Variants in TTC27 observed in about 807,000 individuals in gnomAD.
TTC27 encodes tetratricopeptide repeat domain 27.
In TTC27, 79 loss-of-function variants were observed where a neutral mutation model predicts 115.9. The ratio of observed to expected loss-of-function variants is 0.68; its 90% CI spans 0.57 to 0.82. The LOEUF is 0.82. Among genes scored for constraint, TTC27 ranks in the 40% least tolerant of loss-of-function variants. The pLI is 0.00. For synonymous variants in TTC27, 401 were observed against 356.0 expected, an observed-to-expected ratio of 1.13 and a Z score of -1.42; for missense variants, 1,054 against 993.1, an observed-to-expected ratio of 1.06 and a Z score of -0.82.
chr2:32,695,648 G>A (rs1036953712), intron 9 of TTC27, among the ~76,000 whole-genome samples: 1 of 150,402 alleles, frequency 6.6e-6, no homozygotes, highest in Non-Finnish European at 1.5e-5. Flanking sequence ...AAACCCTGGA[G>A]GCGGAGGTTG....
chr2:32,781,802 G>A (rs1670187113), intron 14 of TTC27, among the ~76,000 whole-genome samples: 1 of 152,236 alleles, frequency 6.6e-6, no homozygotes, highest in South Asian at 2.1e-4. Context: ...AATGCCATGG[G>A]CAATCAATAA....
intron 2 of TTC27, among the ~76,000 whole-genome samples, chr2:32,633,577 A>AT (rs1040404614): frequency 6.6e-6 from 1 of 151,730 alleles, no homozygotes; most frequent in African/African-American, 2.4e-5. Flanking sequence ...CTAACTTTTA[A>AT]TTTTTTTGTA....
intron 12 of TTC27, among the ~76,000 whole-genome samples, chr2:32,740,505 A>G (rs1290633041): frequency 6.6e-6 from 1 of 150,952 alleles, no homozygotes; most frequent in Non-Finnish European, 1.5e-5. Flanking sequence ...AGATTTTCCC[A>G]GAAGTTCTTT....
At chr2:32,794,165 A>G (rs905271017) in intron 16 of TTC27, among the ~76,000 whole-genome samples, 4 of 152,240 alleles carry the variant, frequency 2.6e-5, no homozygotes, top group African/African-American at 9.6e-5. Flanking sequence ...TCCCAAGTGC[A>G]CATGGGACAT....
At chr2:32,633,430 A>G (rs1329744780) in intron 2 of TTC27, among the ~76,000 whole-genome samples, 3 of 151,938 alleles carry the variant, frequency 2.0e-5, no homozygotes, top group Non-Finnish European at 4.4e-5. Flanking sequence ...TTTTTTTAAG[A>G]GAGACAGGGT....
intron 7 of TTC27, among the ~76,000 whole-genome samples, chr2:32,670,204 A>T (rs906096874): frequency 6.6e-6 from 1 of 152,066 alleles, no homozygotes; most frequent in African/African-American, 2.4e-5. Context: ...TGGCTCCTAA[A>T]GTCCTCTTTT....
chr2:32,652,423 C>T (rs1665158949), intron 5 of TTC27, among the ~76,000 whole-genome samples: 1 of 151,792 alleles, frequency 6.6e-6, no homozygotes, highest in Non-Finnish European at 1.5e-5. Flanking sequence ...AAGGTAGGAA[C>T]CATATGGTAT....
At position 32,678,842 on chromosome 2, in the gene TTC27, T is replaced by G. The variant is rs775850260; in HGVS notation, c.1053-14T>G. On this transcript the variant is annotated splice_polypyrimidine_tract_variant and intron_variant, in intron 8 of 19. Transcript: ENST00000317907. ...CATCTTATAATTAATTTACCTTTTT[T>G]TCTTAATTTAAAGCACTAATTTTCA... 6.3e-7 allele frequency: 1 copy of G among 1,591,494 alleles called. No individual in the cohort carries two copies. The highest frequency in any genetic ancestry group is 2.2e-5 in the East Asian group (1 of 44,714).
intron 5 of TTC27, 120 bp downstream of exon 5, chr2:32,650,353 CTTTTTTT>C (rs368973893): frequency 9.1e-3 from 1,922 of 211,822 alleles, no homozygotes; most frequent in Middle Eastern, 0.023. Flanking sequence ...TGAGTTGTTT[CTTTTTTT>C]TTTTTTTTTT....
rs2063522074 is a variant in TTC27 at position 32,628,095 on chromosome 2, C to G, written c.-198C>G. On this transcript the variant is annotated 5_prime_UTR_variant, in exon 1 of 20. Transcript: ENST00000317907. ...GACCAGAGAGCGTGCGTGTTTTTCC[C>G]AGGGTGCCCCGCGCTGCTGTTATGG... 3.6e-6 allele frequency: 2 copies of G among 559,100 alleles called. No individual in the cohort carries two copies. Among genetic ancestry groups the G allele is most frequent in the Admixed American group, 3.4e-5 (1 of 29,368 alleles). The allele number at this position is 559,100 out of a possible 1,614,324, so 34.6% of individuals were successfully genotyped here.
chr2:32,774,647 G>C (rs1669936860), intron 13 of TTC27, among the ~76,000 whole-genome samples: 1 of 151,964 alleles, frequency 6.6e-6, no homozygotes, highest in African/African-American at 2.4e-5. Flanking sequence ...ATGATGTTCT[G>C]TTCTTAAGAG....
At chr2:32,722,841 G>A (rs1269697812) in intron 10 of TTC27, among the ~76,000 whole-genome samples, 1 of 152,134 alleles carries the variant, frequency 6.6e-6, no homozygotes, top group Non-Finnish European at 1.5e-5. Flanking sequence ...CTCAGGACAT[G>A]GTTCTGTGTG....
chr2:32,710,286 C>G (rs907071286), intron 10 of TTC27, among the ~76,000 whole-genome samples: 2 of 152,152 alleles, frequency 1.3e-5, no homozygotes, highest in Non-Finnish European at 2.9e-5. Flanking sequence ...GAAGGACATA[C>G]TGACCTAGAA....
chr2:32,688,364 T>G (rs1165038204), intron 9 of TTC27, among the ~76,000 whole-genome samples: 1 of 152,110 alleles, frequency 6.6e-6, no homozygotes, highest in African/African-American at 2.4e-5. Flanking sequence ...CATTGGGTAG[T>G]GAAGAAATTT....
intron 9 of TTC27, among the ~76,000 whole-genome samples, chr2:32,679,978 C>T (rs1327853263): frequency 2.0e-5 from 3 of 152,042 alleles, no homozygotes; most frequent in African/African-American, 7.2e-5. Context: ...AGCAAGACTC[C>T]GCCTCAAACA....
intron 9 of TTC27, among the ~76,000 whole-genome samples, chr2:32,698,231 G>A (rs1474051490): frequency 6.6e-6 from 1 of 151,872 alleles, no homozygotes; most frequent in Non-Finnish European, 1.5e-5. Context: ...CCAGACTCAA[G>A]TGATCCTTCC....
intron 12 of TTC27, among the ~76,000 whole-genome samples, chr2:32,747,918 G>A (rs1358463667): frequency 6.6e-6 from 1 of 151,522 alleles, no homozygotes; most frequent in Non-Finnish European, 1.5e-5. Flanking sequence ...TTAACTTTTG[G>A]TTTTTTGATT....
At chr2:32,753,463 A>T in intron 12 of TTC27, among the ~76,000 whole-genome samples, 1 of 105,370 alleles carries the variant, frequency 9.5e-6, no homozygotes, top group Admixed American at 1.3e-4. Context: ...TTGGAGACAG[A>T]GTCTCTCTCT....
At chr2:32,818,421 C>T (rs1671577896) in intron 19 of TTC27, among the ~76,000 whole-genome samples, 1 of 152,146 alleles carries the variant, frequency 6.6e-6, no homozygotes, top group Non-Finnish European at 1.5e-5. Context: ...TGAGGTTTGA[C>T]AACTGAAATA....
Sources: gnomAD v4.1 joint callset for allele counts (sites outside exome capture counted in the v4.1 genomes callset) on GRCh38, gnomAD v4.1.1 for gene constraint, MANE v1.5 for transcripts, NCBI Gene and HGNC (gene_info 2026-07-23, HGNC 2026-07-21) for gene names.